The following NBEA variants were observed in gnomAD, a reference collection of about 807,000 sequenced individuals.
The protein encoded by NBEA is neurobeachin, also known as lysosomal-trafficking regulator 2.
Under a neutral mutation model 343.4 loss-of-function variants are expected in NBEA, and 44 were observed. That is an observed-to-expected ratio of 0.13 (90% CI 0.10 to 0.16). The LOEUF (loss-of-function observed/expected upper bound fraction) is 0.16, where lower values mean the gene tolerates loss of function less well. NBEA is among the 10% of genes least tolerant of loss of function. The probability of loss-of-function intolerance (pLI) is 1.00; values close to 1 mark genes in which losing one functional copy is unlikely to be tolerated. For missense variants in NBEA, 2,555 were observed against 3,631.3 expected (o/e 0.70, Z 7.62); for synonymous variants, 1,175 against 1,238.7 (o/e 0.95, Z 1.08).
At chr13:34,987,248 C>T (rs565721773) in intron 1 of NBEA, among the ~76,000 whole-genome samples, 2 of 150,968 alleles carry the variant, frequency 1.3e-5, no homozygotes, top group Non-Finnish European at 3.0e-5. Context: ...ATTTCTCCTT[C>T]ACTTATGAAG....
intron 4 of NBEA, among the ~76,000 whole-genome samples, chr13:35,048,109 CT>C (rs57175026): frequency 0.027 from 4,131 of 151,894 alleles, 83 homozygotes; most frequent in South Asian, 0.074. Flanking sequence ...TCTCTTAATG[CT>C]TGCATTTCTT....
chr13:35,407,628 C>G (rs2043343525), intron 38 of NBEA, among the ~76,000 whole-genome samples: 1 of 152,002 alleles, frequency 6.6e-6, no homozygotes, highest in African/African-American at 2.4e-5. Flanking sequence ...ATGTGTCTGT[C>G]CACTTTAACA....
At chr13:35,421,726 T>G (rs536605411) in intron 38 of NBEA, among the ~76,000 whole-genome samples, 3 of 152,104 alleles carry the variant, frequency 2.0e-5, no homozygotes, top group Non-Finnish European at 4.4e-5. Context: ...AAATATTCTG[T>G]TTTTTACTTC....
intron 34 of NBEA, among the ~76,000 whole-genome samples, chr13:35,266,481 T>C (rs778378919): frequency 1.3e-5 from 2 of 151,866 alleles, no homozygotes; most frequent in Non-Finnish European, 2.9e-5. Context: ...ATACGCTATA[T>C]ATACACAGTG....
At chr13:35,020,177 A>T (rs990028771) in intron 1 of NBEA, among the ~76,000 whole-genome samples, 8 of 152,122 alleles carry the variant, frequency 5.3e-5, no homozygotes, top group African/African-American at 1.7e-4. Context: ...TGTTTTAGCT[A>T]TATCTAATAA....
chr13:35,435,556 G>A (rs766927346), intron 39 of NBEA, among the ~76,000 whole-genome samples: 3 of 152,038 alleles, frequency 2.0e-5, no homozygotes, highest in Non-Finnish European at 4.4e-5. Flanking sequence ...TGGGGTGGGG[G>A]GGGCGTGTAG....
At chr13:35,010,219 A>G (rs1267892185) in intron 1 of NBEA, among the ~76,000 whole-genome samples, 1 of 152,136 alleles carries the variant, frequency 6.6e-6, no homozygotes, top group Admixed American at 6.6e-5. Context: ...GTGAATGTGA[A>G]TAGAGAAGAG....
At chr13:35,096,759 A>G (rs1402571819) in intron 10 of NBEA, among the ~76,000 whole-genome samples, 1 of 151,894 alleles carries the variant, frequency 6.6e-6, no homozygotes, top group Non-Finnish European at 1.5e-5. Flanking sequence ...GTTAGGTGTA[A>G]TATAGTACTT....
rs553944053 is a variant in NBEA at position 35,344,415 on chromosome 13, G to C, written c.5904-4693G>C. On this transcript the variant is annotated intron_variant, in intron 36 of 58. Transcript: ENST00000379939. ...GTAGAAGAAAGCTAATAATAAAGAAGTTTAACAGAAATCAGCAAAATAGAA... is the reference window on the plus strand; with the variant it reads ...GTAGAAGAAAGCTAATAATAAAGAACTTTAACAGAAATCAGCAAAATAGAA... 5.3e-5 allele frequency among the ~76,000 whole-genome samples: 8 copies of C among 151,924 alleles called. No homozygotes were observed. In the South Asian group the frequency reaches 1.7e-3, roughly 31 times the overall value.
intron 41 of NBEA, among the ~76,000 whole-genome samples, chr13:35,511,625 A>G (rs1012228257): frequency 6.6e-6 from 1 of 152,198 alleles, no homozygotes; most frequent in Non-Finnish European, 1.5e-5. Context: ...GCAAGTAGAT[A>G]TCTCTCTATA....
intron 41 of NBEA, among the ~76,000 whole-genome samples, chr13:35,516,311 A>G (rs919256042): frequency 4.6e-5 from 7 of 152,192 alleles, no homozygotes; most frequent in African/African-American, 1.4e-4. Flanking sequence ...CCAGATAATA[A>G]TCAAGAGTGT....
At chr13:35,153,327 C>T (rs1303983868) in intron 18 of NBEA, among the ~76,000 whole-genome samples, 2 of 152,116 alleles carry the variant, frequency 1.3e-5, no homozygotes, top group African/African-American at 4.8e-5. Context: ...GCCACCATGC[C>T]TGGCCACATA....
chr13:35,654,145 C>T (rs957319799), intron 53 of NBEA, among the ~76,000 whole-genome samples: 5 of 152,200 alleles, frequency 3.3e-5, no homozygotes, highest in African/African-American at 4.8e-5. Flanking sequence ...GGCATGCAGA[C>T]AGGCACTGGG....
chr13:35,498,888 T>C (rs2076783024), intron 41 of NBEA, among the ~76,000 whole-genome samples: 1 of 152,060 alleles, frequency 6.6e-6, no homozygotes, highest in African/African-American at 2.4e-5. Context: ...TCTGATATTA[T>C]TGATGAGGTG....
At chr13:35,339,004 A>G (rs2039429335) in intron 36 of NBEA, among the ~76,000 whole-genome samples, 1 of 152,074 alleles carries the variant, frequency 6.6e-6, no homozygotes, top group African/African-American at 2.4e-5. Flanking sequence ...TCAGTCTGAT[A>G]AGTGAGATTT....
At chr13:35,360,369 C>G (rs927245889) in intron 38 of NBEA, among the ~76,000 whole-genome samples, 1 of 151,948 alleles carries the variant, frequency 6.6e-6, no homozygotes, top group African/African-American at 2.4e-5. Context: ...CTAAAAGGTT[C>G]ACCTGACTTC....
chr13:35,197,010 C>G (rs1184720907), intron 31 of NBEA, among the ~76,000 whole-genome samples: 2 of 151,976 alleles, frequency 1.3e-5, no homozygotes, highest in African/African-American at 4.8e-5. Context: ...AGTATACATT[C>G]AATAAAAATG....
At chr13:35,295,671 G>GA (rs2036079381) in intron 35 of NBEA, among the ~76,000 whole-genome samples, 1 of 152,012 alleles carries the variant, frequency 6.6e-6, no homozygotes, top group South Asian at 2.1e-4. Flanking sequence ...CATTTTAAAG[G>GA]AAAAAGAGTA....
chr13:35,124,280 A>C (rs1379526581), intron 17 of NBEA, among the ~76,000 whole-genome samples: 2 of 148,518 alleles, frequency 1.3e-5, no homozygotes, highest in East Asian at 3.9e-4. Context: ...GTGCTTACTT[A>C]AATTTGCAAA....
Sources: gnomAD v4.1 joint callset for allele counts (sites outside exome capture counted in the v4.1 genomes callset) on GRCh38, gnomAD v4.1.1 for gene constraint, MANE v1.5 for transcripts, NCBI Gene and HGNC (gene_info 2026-07-23, HGNC 2026-07-21) for gene names.